Variants in CTNNA3 observed in about 807,000 individuals in gnomAD.
CTNNA3 encodes catenin alpha-3.
A neutral mutation model predicts 95.7 loss-of-function variants in CTNNA3; 76 were observed. The ratio of observed to expected loss-of-function variants is 0.79; its 90% confidence interval spans 0.66 to 0.96. CTNNA3 has a LOEUF of 0.96. Ranked by LOEUF, CTNNA3 falls within the 40% of genes least tolerant of loss-of-function variation. The probability of loss-of-function intolerance (pLI) is 0.00; values close to 1 mark genes in which losing one functional copy is unlikely to be tolerated. For synonymous variants in CTNNA3, 431 were observed against 374.4 expected (o/e 1.15, Z -1.74); for missense variants, 1,191 against 1,089.8 (o/e 1.09, Z -1.31).
At chr10:66,623,709 A>T (rs1441394568) in intron 9 of CTNNA3, among the ~76,000 whole-genome samples, 1 of 137,356 alleles carries the variant, frequency 7.3e-6, no homozygotes, top group Non-Finnish European at 1.7e-5. Context: ...CAAAGTTACT[A>T]GGTAATAGAG....
rs538172151 is a variant in CTNNA3 at position 66,762,567 on chromosome 10, C to A, written c.1281+3697G>T. On this transcript the variant is annotated intron_variant, in intron 9 of 17. Transcript: ENST00000433211. ...GTGGTGACACATCTGAGGTCTCCTCCTGTATTATTAGTATAGCGGGACACC... is the reference window on the plus strand; with the variant it reads ...GTGGTGACACATCTGAGGTCTCCTCATGTATTATTAGTATAGCGGGACACC... 1.7e-3 allele frequency among the ~76,000 whole-genome samples: 255 copies of A among 151,736 alleles called. 1 individual carries two copies. Among genetic ancestry groups the A allele is most frequent in the African/African-American group, 6.0e-3 (250 of 41,480 alleles).
chr10:67,525,326 G>C lies in CTNNA3; in HGVS notation c.460-3365C>G, dbSNP rs1302800817. Among the ~76,000 whole-genome samples the C allele has an allele frequency of 3.9e-5, 6 of 152,086 alleles. No homozygotes were observed. The East Asian group carries it at 9.7e-4, about 24-fold the overall frequency. On this transcript the variant is annotated intron_variant, in intron 4 of 17. Transcript: ENST00000433211. ...AGTAAGCACTGTCAACACTCCCAGA[G>C]TGTGTTTTCTCATCAAATTATTTCT... is the stretch of plus-strand genomic sequence containing the variant.
chr10:66,795,270 C>G (rs1052696389), intron 7 of CTNNA3, among the ~76,000 whole-genome samples: 3 of 152,084 alleles, frequency 2.0e-5, no homozygotes, highest in Admixed American at 6.6e-5. Context: ...ACTTGAAATT[C>G]AAAATTACTC....
chr10:67,210,102 T>G (rs779508653), intron 6 of CTNNA3, among the ~76,000 whole-genome samples: 1 of 152,054 alleles, frequency 6.6e-6, no homozygotes, highest in Non-Finnish European at 1.5e-5. Flanking sequence ...GGTCGGGAGA[T>G]CGACACCATC....
At chr10:67,524,488 T>C (rs1589388468) in intron 4 of CTNNA3, among the ~76,000 whole-genome samples, 1 of 140,830 alleles carries the variant, frequency 7.1e-6, no homozygotes, top group Non-Finnish European at 1.6e-5. Context: ...AAAGGAGAAA[T>C]GGAGAAAATC....
intron 7 of CTNNA3, among the ~76,000 whole-genome samples, chr10:67,036,944 A>G (rs1037164634): frequency 6.6e-6 from 1 of 152,276 alleles, no homozygotes; most frequent in Non-Finnish European, 1.5e-5. Context: ...ATAGGAGGAA[A>G]TGATACTTGG....
At chr10:66,666,342 C>A (rs1042575240) in intron 9 of CTNNA3, among the ~76,000 whole-genome samples, 1 of 152,114 alleles carries the variant, frequency 6.6e-6, no homozygotes. Context: ...TTTTTTCTAC[C>A]ATGGTCCCCA....
At chr10:66,252,617 G>A (rs1006717826) in intron 13 of CTNNA3, among the ~76,000 whole-genome samples, 2 of 152,130 alleles carry the variant, frequency 1.3e-5, no homozygotes, top group African/African-American at 2.4e-5. Flanking sequence ...TACCTAATTC[G>A]TAAACTGGGT....
At chr10:66,912,778 A>G (rs1202559321) in intron 7 of CTNNA3, among the ~76,000 whole-genome samples, 1 of 152,182 alleles carries the variant, frequency 6.6e-6, no homozygotes, top group Admixed American at 6.5e-5. Context: ...CATCAAAGTG[A>G]TGATTCAAAA....
chr10:66,669,672 C>T (rs1482257604), intron 9 of CTNNA3, among the ~76,000 whole-genome samples: 1 of 152,180 alleles, frequency 6.6e-6, no homozygotes, highest in Admixed American at 6.5e-5. Context: ...GGAAAGGGAA[C>T]ACTGGGTGGA....
intron 7 of CTNNA3, among the ~76,000 whole-genome samples, chr10:66,882,089 G>A (rs1225509942): frequency 6.6e-6 from 1 of 152,022 alleles, no homozygotes; most frequent in African/African-American, 2.4e-5. Context: ...TCTCTACATA[G>A]GACATGGACA....
intron 9 of CTNNA3, among the ~76,000 whole-genome samples, chr10:66,691,124 G>T (rs1300034510): frequency 1.3e-5 from 2 of 152,162 alleles, no homozygotes; most frequent in Admixed American, 1.3e-4. Context: ...AGTGGGTGCA[G>T]TGCACCGTGC....
At chr10:66,685,284 A>AGTGT (rs1564617277) in intron 9 of CTNNA3, among the ~76,000 whole-genome samples, 36 of 73,038 alleles carry the variant, frequency 4.9e-4, no homozygotes, top group African/African-American at 7.8e-4. Flanking sequence ...CGTATATATA[A>AGTGT]GTATATATAT....
chr10:65,979,009 T>G (rs1407098805), intron 16 of CTNNA3, among the ~76,000 whole-genome samples: 1 of 152,100 alleles, frequency 6.6e-6, no homozygotes, highest in African/African-American at 2.4e-5. Context: ...AGACTGGACA[T>G]GTTGATTTAT....
At chr10:67,315,033 T>A (rs1163293315) in intron 5 of CTNNA3, among the ~76,000 whole-genome samples, 1 of 152,162 alleles carries the variant, frequency 6.6e-6, no homozygotes, top group Non-Finnish European at 1.5e-5. Context: ...TCAGATTCCC[T>A]TGCTATTCCT....
chr10:66,756,134 T>C (rs928851776), intron 9 of CTNNA3, among the ~76,000 whole-genome samples: 4 of 152,134 alleles, frequency 2.6e-5, no homozygotes, highest in African/African-American at 9.7e-5. Context: ...ACATAGATAA[T>C]TCTCCTTTGA....
chr10:66,416,768 T>A (rs2093149836), intron 11 of CTNNA3, among the ~76,000 whole-genome samples: 1 of 151,974 alleles, frequency 6.6e-6, no homozygotes, highest in African/African-American at 2.4e-5. Flanking sequence ...AAAACTAAGA[T>A]AATTCATCAC....
intron 11 of CTNNA3, among the ~76,000 whole-genome samples, chr10:66,441,117 G>C (rs1263756882): frequency 2.0e-5 from 3 of 152,140 alleles, no homozygotes; most frequent in Non-Finnish European, 4.4e-5. Flanking sequence ...AGCATTGTTT[G>C]AGGCCAGGAG....
chr10:66,079,468 T>C (rs928451802), intron 14 of CTNNA3, among the ~76,000 whole-genome samples: 2 of 151,998 alleles, frequency 1.3e-5, no homozygotes, highest in Non-Finnish European at 2.9e-5. Context: ...TAGTTTTATA[T>C]GTATTTTCTT....
Sources: gnomAD v4.1 joint callset for allele counts (sites outside exome capture counted in the v4.1 genomes callset) on GRCh38, gnomAD v4.1.1 for gene constraint, MANE v1.5 for transcripts, NCBI Gene and HGNC (gene_info 2026-07-23, HGNC 2026-07-21) for gene names.